CTNNA3: variants seen among roughly 807,000 people sequenced by gnomAD.
The protein encoded by CTNNA3 is catenin alpha 3, also known as catenin alpha-3.
In CTNNA3, 76 loss-of-function variants were observed where a neutral mutation model predicts 95.7. That is an observed-to-expected ratio of 0.79 (90% CI 0.66 to 0.96). CTNNA3 has a LOEUF of 0.96. Among genes scored for constraint, CTNNA3 ranks in the 40% least tolerant of loss-of-function variants. The probability of loss-of-function intolerance (pLI) is 0.00; values close to 1 mark genes in which losing one functional copy is unlikely to be tolerated. For synonymous variants in CTNNA3, 431 were observed against 374.4 expected (o/e 1.15, Z -1.74); for missense variants, 1,191 against 1,089.8 (o/e 1.09, Z -1.31).
intron 15 of CTNNA3, among the ~76,000 whole-genome samples, chr10:66,040,427 G>C (rs367680122): frequency 9.2e-5 from 14 of 151,940 alleles, no homozygotes; most frequent in East Asian, 7.7e-4. Flanking sequence ...AGATGCACGT[G>C]TATGTTCATT....
chr10:66,224,312 G>A (rs1475450754), intron 13 of CTNNA3, among the ~76,000 whole-genome samples: 8 of 152,204 alleles, frequency 5.3e-5, no homozygotes, highest in Middle Eastern at 3.4e-3. Context: ...AGTAGGAAGC[G>A]TTCAACAAAG....
At chr10:67,367,420 T>C (rs1201610489) in intron 5 of CTNNA3, among the ~76,000 whole-genome samples, 1 of 149,958 alleles carries the variant, frequency 6.7e-6, no homozygotes, top group Admixed American at 6.6e-5. Context: ...AAAAAACAGA[T>C]GTTGGTGAAG....
intron 7 of CTNNA3, among the ~76,000 whole-genome samples, chr10:66,963,523 A>AT (rs1214075731): frequency 6.6e-6 from 1 of 152,176 alleles, no homozygotes; most frequent in Non-Finnish European, 1.5e-5. Context: ...ATGGTCAAAT[A>AT]TAAGAACAGG....
intron 7 of CTNNA3, among the ~76,000 whole-genome samples, chr10:67,133,306 G>T (rs940097753): frequency 1.0e-5 from 1 of 97,684 alleles, no homozygotes. Flanking sequence ...CATATTGCCT[G>T]ATATATATAT....
At chr10:66,664,196 C>A (rs541626811) in intron 9 of CTNNA3, among the ~76,000 whole-genome samples, 2 of 151,840 alleles carry the variant, frequency 1.3e-5, no homozygotes, top group Non-Finnish European at 2.9e-5. Context: ...GTTTAATCTC[C>A]CCCAGACACT....
At chr10:66,402,659 T>C (rs1459762441) in intron 11 of CTNNA3, among the ~76,000 whole-genome samples, 16 of 152,162 alleles carry the variant, frequency 1.1e-4, no homozygotes, top group Admixed American at 7.9e-4. Flanking sequence ...TCTAGGAACC[T>C]AGTTAGTCCT....
chr10:67,073,062 A>T (rs1426788539), intron 7 of CTNNA3, among the ~76,000 whole-genome samples: 1 of 152,184 alleles, frequency 6.6e-6, no homozygotes, highest in Non-Finnish European at 1.5e-5. Flanking sequence ...CAGTCCTCAG[A>T]CCACACTCAG....
chr10:67,695,232 G>T (rs998835460), intron 1 of CTNNA3, among the ~76,000 whole-genome samples: 2 of 152,140 alleles, frequency 1.3e-5, no homozygotes, highest in African/African-American at 4.8e-5. Flanking sequence ...ATCTTAGTAG[G>T]CACATATCAG....
intron 17 of CTNNA3, among the ~76,000 whole-genome samples, chr10:65,934,889 A>G (rs1000635962): frequency 6.6e-6 from 1 of 152,108 alleles, no homozygotes; most frequent in Non-Finnish European, 1.5e-5. Context: ...GGAGCTCTGT[A>G]GCCTTTTAGA....
At chr10:66,910,430 T>G (rs1846172986) in intron 7 of CTNNA3, among the ~76,000 whole-genome samples, 1 of 152,024 alleles carries the variant, frequency 6.6e-6, no homozygotes, top group Non-Finnish European at 1.5e-5. Flanking sequence ...AACCATCACT[T>G]CTGCTGGAAA....
At chr10:67,246,294 A>C (rs1026682001) in intron 5 of CTNNA3, among the ~76,000 whole-genome samples, 2 of 152,214 alleles carry the variant, frequency 1.3e-5, no homozygotes, top group Non-Finnish European at 2.9e-5. Context: ...GCATAAAATA[A>C]ATTAGCATTC....
chr10:67,622,153 G>A (rs187240530), intron 2 of CTNNA3, among the ~76,000 whole-genome samples: 10 of 152,252 alleles, frequency 6.6e-5, no homozygotes, highest in East Asian at 1.9e-4. Flanking sequence ...TGAAAATGAC[G>A]ACATCTGGGG....
intron 7 of CTNNA3, among the ~76,000 whole-genome samples, chr10:66,850,460 C>G (rs1843445091): frequency 6.6e-6 from 1 of 151,786 alleles, no homozygotes; most frequent in Non-Finnish European, 1.5e-5. Flanking sequence ...TTTAATGAAC[C>G]CTTTTATAGG....
intron 8 of CTNNA3, 86 bp downstream of exon 8, chr10:66,775,358 C>T: frequency 1.1e-6 from 1 of 906,560 alleles, no homozygotes; most frequent in South Asian, 1.7e-5. Context: ...TTGAAAGGAA[C>T]AAAACAAGAA....
chr10:66,644,488 T>C (rs1564590182), intron 9 of CTNNA3, among the ~76,000 whole-genome samples: 4 of 148,872 alleles, frequency 2.7e-5, no homozygotes, highest in East Asian at 1.9e-4. Context: ...TATATATATA[T>C]ACACACATAC....
chr10:67,411,862 C>T (rs1030580588), intron 5 of CTNNA3, among the ~76,000 whole-genome samples: 4 of 152,042 alleles, frequency 2.6e-5, no homozygotes, highest in African/African-American at 9.7e-5. Context: ...TTCTGTCTTG[C>T]ATTTAAAGTT....
At chr10:67,620,923 G>GTGTGTGTATATATATATATATATA (rs1402402526) in intron 2 of CTNNA3, among the ~76,000 whole-genome samples, 1 of 123,808 alleles carries the variant, frequency 8.1e-6, no homozygotes, top group African/African-American at 3.1e-5. Context: ...GTGTGTGTGT[G>GTGTGTGTATATATATATATATATA]TATATATATA....
chr10:66,165,752 A>AATTT (rs1281854661), intron 13 of CTNNA3, among the ~76,000 whole-genome samples: 1 of 151,058 alleles, frequency 6.6e-6, no homozygotes, highest in African/African-American at 2.4e-5. Flanking sequence ...TACACAATAC[A>AATTT]ATTTATTTAT....
chr10:66,108,203 TAAAG>T lies in CTNNA3; in HGVS notation c.1885-4958_1885-4955del, dbSNP rs2081982372. Among the ~76,000 whole-genome samples the T allele has an allele frequency of 3.3e-5, 5 of 152,178 alleles. No individual in the cohort carries two copies. In the South Asian group the frequency reaches 8.3e-4, roughly 25 times the overall value. On this transcript the variant is annotated intron_variant, in intron 13 of 17. Coordinates refer to ENST00000433211, the MANE Select transcript of CTNNA3 (RefSeq NM_013266.4). Reference sequence around the variant, plus strand: ...ATATATCAATGACACAATGCCAAAATAAAGAAAATTAAGACATGGCCCTTGTTTA... The same window carrying T: ...ATATATCAATGACACAATGCCAAAATAAAATTAAGACATGGCCCTTGTTTA...
Sources: allele counts gnomAD v4.1 joint callset (sites outside exome capture counted in the v4.1 genomes callset), GRCh38; gene constraint gnomAD v4.1.1; transcripts MANE v1.5; gene names NCBI Gene and HGNC (gene_info 2026-07-23, HGNC 2026-07-21).